The following LRP2 variants were observed in gnomAD, a reference collection of about 807,000 sequenced individuals.
LRP2 encodes LDL receptor related protein 2.
Under a neutral mutation model 531.0 loss-of-function variants are expected in LRP2, and 172 were observed. The ratio of observed to expected loss-of-function variants is 0.32; its 90% CI spans 0.29 to 0.37. The LOEUF is 0.37. Ranked by LOEUF, LRP2 falls within the 10% of genes least tolerant of loss-of-function variation. The pLI is 1.00. For missense variants in LRP2, 5,167 were observed against 5,868.3 expected (o/e 0.88, Z 3.90); for synonymous variants, 1,992 against 2,027.6 (o/e 0.98, Z 0.47).
chr2:169,274,815 C>T (rs1428227967), intron 14 of LRP2, among the ~76,000 whole-genome samples: 1 of 152,094 alleles, frequency 6.6e-6, no homozygotes, highest in Non-Finnish European at 1.5e-5. Flanking sequence ...TCTAAATTCC[C>T]TCTAGATTTG....
chr2:169,239,414 A>G, intron 26 of LRP2, 113 bp downstream of exon 26: 1 of 1,570,218 alleles, frequency 6.4e-7, no homozygotes, highest in Non-Finnish European at 8.7e-7. Context: ...TAATCTTTCC[A>G]GGATTCAAGT....
chr2:169,276,723 G>C (rs909986884), intron 13 of LRP2, among the ~76,000 whole-genome samples: 22 of 152,100 alleles, frequency 1.4e-4, no homozygotes, highest in Non-Finnish European at 3.1e-4. Context: ...TCAAGTCATT[G>C]GGAAAAATTA....
chr2:169,193,854 A>G lies in LRP2; in HGVS notation c.8737T>C (p.Cys2913Arg). 1.2e-6 allele frequency: 2 copies of G among 1,614,162 alleles called. No individual in the cohort carries two copies. Among genetic ancestry groups the G allele is most frequent in the Non-Finnish European group, 1.7e-6 (2 of 1,180,022 alleles). ...CTTGGGATGCACCTCCCACCATCACACTTGAACTCATCAGCTAGGCATGTT... is the reference window on the plus strand; with the variant it reads ...CTTGGGATGCACCTCCCACCATCACGCTTGAACTCATCAGCTAGGCATGTT... ...ERTCLADEFKCDGGRCIPSEW... is the reference protein window; with the variant it reads ...ERTCLADEFKRDGGRCIPSEW... The change falls in exon 47 of 79, where the codon TGT becomes CGT. Residue 2913 changes from cysteine (C) to arginine (R), a missense_variant. Coordinates refer to ENST00000649046, the MANE Select transcript of LRP2 (RefSeq NM_004525.3).
intron 1 of LRP2, among the ~76,000 whole-genome samples, chr2:169,340,248 T>C (rs1207088586): frequency 6.6e-6 from 1 of 152,152 alleles, no homozygotes; most frequent in African/African-American, 2.4e-5. Flanking sequence ...TTTCTCTCTT[T>C]CAAATAAGGT....
At chr2:169,227,544 T>C (rs2105363228) in intron 31 of LRP2, among the ~76,000 whole-genome samples, 1 of 152,326 alleles carries the variant, frequency 6.6e-6, no homozygotes, top group East Asian at 1.9e-4. Flanking sequence ...GGTTAAGATA[T>C]ATGTATAAGA....
In LRP2 at chr2:169,318,837, G is replaced by C. The variant is rs1415388974; in HGVS notation, c.235C>G (p.Gln79Glu). The change falls in exon 3 of 79, where the codon CAA (glutamine) becomes GAA (glutamate). Residue 79 changes from glutamine (Q) to glutamate (E), a missense_variant. Gln to Glu is a conservative substitution (Grantham distance 29). Around this residue, in one of 6 missense-constraint regions of LRP2, gnomAD observed 2,811 missense variants for 3,058.0 expected, o/e 0.92. Coordinates refer to ENST00000649046, the MANE Select transcript of LRP2 (RefSeq NM_004525.3). ...QGYFKCQSEG[Q>E]CIPNSWVCDQ... ...CACACCCAGGAGTTGGGGATGCATT[G>C]TCCCTCACTCTGGCACTTGAAATAG... 1 of 1,614,096 alleles carries C rather than the reference G, an allele frequency of 6.2e-7. No individual in the cohort carries two copies. Among genetic ancestry groups the C allele is most frequent in the South Asian group, 1.1e-5 (1 of 91,082 alleles).
Position 169,216,106 on chromosome 2 carries a change from A to G in LRP2, c.5826+147T>C, listed in dbSNP as rs1243132996. ...TAGGGGCGAGGTACGTGCAAGGGAG[A>G]GAAGTTATTGGGAGAAGGGGCAATG... On this transcript the variant is annotated intron_variant, in intron 35 of 78. Coordinates refer to ENST00000649046, the MANE Select transcript of LRP2 (RefSeq NM_004525.3). The G allele has an allele frequency of 7.3e-6, 6 of 817,476 alleles. No individual in the cohort carries two copies. The East Asian group carries it at 1.6e-4, about 21-fold the overall frequency. The allele number at this position is 817,476 out of a possible 1,614,324, so 50.6% of individuals were successfully genotyped here.
In LRP2 at chr2:169,206,302, G is replaced by C. The variant is rs777421298; in HGVS notation, c.7390+28C>G. The C allele has an allele frequency of 2.5e-6, 4 of 1,612,542 alleles. No individual in the cohort carries two copies. In the East Asian group the frequency reaches 8.9e-5, roughly 36 times the overall value. On this transcript the variant is annotated intron_variant, in intron 39 of 78. Coordinates refer to ENST00000649046, the MANE Select transcript of LRP2 (RefSeq NM_004525.3). ...GTTGACCCCATTGTGTCTACTTGCA[G>C]GACAAGCAGCACCTGGAGTGCACTT...
chr2:169,354,271 G>T (rs1002824665), intron 1 of LRP2, among the ~76,000 whole-genome samples: 1 of 152,156 alleles, frequency 6.6e-6, no homozygotes, highest in African/African-American at 2.4e-5. Context: ...GATCAGTGAG[G>T]AAAGACTTAT....
At chr2:169,176,279 G>T (rs565119881) in intron 54 of LRP2, 132 bp downstream of exon 54, 5 of 950,208 alleles carry the variant, frequency 5.3e-6, no homozygotes, top group Non-Finnish European at 8.3e-6. Context: ...GAGTCTTGCT[G>T]TGTTCCACAT....
Position 169,204,079 on chromosome 2 carries a change from C to T in LRP2, c.7908G>A (p.Gln2636=). The T allele has an allele frequency of 1.2e-6, 2 of 1,614,174 alleles. No individual in the cohort carries two copies. Among genetic ancestry groups the T allele is most frequent in the Non-Finnish European group, 1.7e-6 (2 of 1,180,012 alleles). ...QIAMTTNLLS[Q]PRGINTVVKN... is the part of the protein sequence containing the mutation. ...TCACAACAGTGTTGATTCCCCTGGG[C>T]TGGGAGAGCAAATTTGTGGTCATTG... The change falls in exon 42 of 79, where the codon CAG becomes CAA. Residue 2636 remains glutamine (Q), a synonymous_variant. Coordinates refer to ENST00000649046, the MANE Select transcript of LRP2 (RefSeq NM_004525.3).
intron 28 of LRP2, 119 bp downstream of exon 28, chr2:169,236,984 C>G (rs557787681): frequency 3.7e-5 from 31 of 831,832 alleles, no homozygotes; most frequent in Non-Finnish European, 6.1e-5. Context: ...CATGTTTAAA[C>G]AAGGGATCAT....
intron 4 of LRP2, among the ~76,000 whole-genome samples, chr2:169,296,180 C>A (rs1391038834): frequency 6.6e-6 from 1 of 152,120 alleles, no homozygotes; most frequent in Non-Finnish European, 1.5e-5. Flanking sequence ...ATAAGCCTAA[C>A]TCTTCTCATC....
intron 33 of LRP2, among the ~76,000 whole-genome samples, chr2:169,224,810 C>G (rs1009694518): frequency 5.9e-5 from 9 of 152,156 alleles, no homozygotes; most frequent in Admixed American, 2.0e-4. Context: ...TTTTTGCCAG[C>G]CAGGCGTGGT....
chr2:169,288,290 G>C (rs905173172), intron 9 of LRP2, among the ~76,000 whole-genome samples: 1 of 152,140 alleles, frequency 6.6e-6, no homozygotes, highest in African/African-American at 2.4e-5. Context: ...CCTAATCACA[G>C]TGAGATATAA....
chr2:169,265,651 C>T lies in LRP2; in HGVS notation c.2320+5253G>A, dbSNP rs185139357. ...TTCCAGGTTTAAATTAACTTGCAAC[C>T]TGTACCCAGCCAAACAGTCAAGATG... On this transcript the variant is annotated intron_variant, in intron 16 of 78. Transcript: ENST00000649046. 1.5e-4 allele frequency among the ~76,000 whole-genome samples: 23 copies of T among 152,120 alleles called. 1 individual carries two copies. Among genetic ancestry groups the T allele is most frequent in the Admixed American group, 1.5e-3 (23 of 15,264 alleles).
In LRP2 at chr2:169,327,475, G is replaced by A. The variant is rs1170646985; in HGVS notation, c.80-6591C>T. Among the ~76,000 whole-genome samples the A allele has an allele frequency of 2.8e-4, 33 of 116,010 alleles. 1 individual carries two copies. Among genetic ancestry groups the A allele is most frequent in the Non-Finnish European group, 3.7e-4 (20 of 54,716 alleles). The allele number at this position is 116,010 out of a possible 152,430, so 76.1% of individuals were successfully genotyped here. A position where few individuals can be genotyped will look rare whatever the true frequency, so the allele number is the denominator to read the frequency against. On this transcript the variant is annotated intron_variant, in intron 1 of 78. Coordinates refer to ENST00000649046, the MANE Select transcript of LRP2 (RefSeq NM_004525.3). ...CCCCGCCCGGCCAGCCGCCCCGTCTGGGAGGGAGGTGGGGGGGTCAGCCCC... is the reference window on the plus strand; with the variant it reads ...CCCCGCCCGGCCAGCCGCCCCGTCTAGGAGGGAGGTGGGGGGGTCAGCCCC...
intron 76 of LRP2, among the ~76,000 whole-genome samples, chr2:169,136,998 A>G (rs1489037468): frequency 6.6e-6 from 1 of 152,182 alleles, no homozygotes; most frequent in East Asian, 1.9e-4. Flanking sequence ...CCCGTCCCCA[A>G]ATTCCTGTAT....
chr2:169,195,260 T>C (rs1687967896), intron 46 of LRP2, among the ~76,000 whole-genome samples: 3 of 152,204 alleles, frequency 2.0e-5, no homozygotes, highest in Admixed American at 6.5e-5. Flanking sequence ...GCTGACATGA[T>C]GTTAAGCTTA....
Sources: allele counts gnomAD v4.1 joint callset (sites outside exome capture counted in the v4.1 genomes callset), GRCh38; gene constraint gnomAD v4.1.1; regional missense constraint gnomAD v4.1.1; transcripts MANE v1.5; gene names NCBI Gene and HGNC (gene_info 2026-07-23, HGNC 2026-07-21).